RNF130: variants seen among roughly 807,000 people sequenced by gnomAD.
The protein encoded by RNF130 is ring finger protein 130, also known as E3 ubiquitin-protein ligase RNF130.
In RNF130, 21 loss-of-function variants were observed where a neutral mutation model predicts 44.6. That is an observed-to-expected ratio of 0.47 (90% confidence interval 0.33 to 0.68). RNF130 has a LOEUF of 0.68. Among genes scored for constraint, RNF130 ranks in the 30% least tolerant of loss-of-function variants. The probability of loss-of-function intolerance (pLI) is 0.02; values close to 1 mark genes in which losing one functional copy is unlikely to be tolerated. For missense variants in RNF130, 479 were observed against 560.6 expected (o/e 0.85, Z 1.47); for synonymous variants, 214 against 210.4 (o/e 1.02, Z -0.15).
rs1435882982 is a variant in RNF130 at position 179,963,510 on chromosome 5, T to C, written c.1205A>G (p.Tyr402Cys). ...FGLLSALTLCYMIIRATASLN... is the reference protein window; with the variant it reads ...FGLLSALTLCCMIIRATASLN... ...GCTAGCTGTGGCTCTGATGATCATG[T>C]AGCAGAGTGTGAGGGCACTGAGGAG... The change falls in exon 8 of 9, where the codon TAC becomes TGC. Residue 402 changes from tyrosine to cysteine, a missense_variant. Physicochemically the swap from Tyr to Cys is radical, Grantham distance 194. This residue lies in a region of RNF130 where 161 missense variants were observed against 158.6 expected (regional missense o/e 1.02). Transcript: ENST00000521389. 1 of 1,614,108 alleles carries C rather than the reference T, an allele frequency of 6.2e-7. No individual in the cohort carries two copies. Among genetic ancestry groups the C allele is most frequent in the Non-Finnish European group, 8.5e-7 (1 of 1,179,936 alleles).
downstream of RNF130, among the ~76,000 whole-genome samples, chr5:179,954,439 G>A (rs1397297828): frequency 6.6e-6 from 1 of 152,098 alleles, no homozygotes; most frequent in Non-Finnish European, 1.5e-5. Flanking sequence ...TATGAACCGT[G>A]AACACATGCT....
downstream of RNF130, among the ~76,000 whole-genome samples, chr5:179,951,758 C>T (rs534659697): frequency 6.6e-6 from 1 of 152,132 alleles, no homozygotes; most frequent in East Asian, 1.9e-4. Context: ...TGGAAATCTA[C>T]AACAGAAGGA....
At chr5:180,048,766 C>T (rs917196544) in intron 1 of RNF130, among the ~76,000 whole-genome samples, 1 of 152,224 alleles carries the variant, frequency 6.6e-6, no homozygotes, top group African/African-American at 2.4e-5. Context: ...TCTGTAGCTT[C>T]AGCTTCATCC....
intron 6 of RNF130, among the ~76,000 whole-genome samples, chr5:179,968,997 G>A (rs958527102): frequency 6.6e-6 from 1 of 152,224 alleles, no homozygotes; most frequent in Non-Finnish European, 1.5e-5. Context: ...CTGCCCAACT[G>A]TATACACTGA....
At chr5:179,932,067 T>C (rs564655976) in intron 7 of RNF130, among the ~76,000 whole-genome samples, 1 of 152,296 alleles carries the variant, frequency 6.6e-6, no homozygotes, top group East Asian at 1.9e-4. Flanking sequence ...TTTGTTTCCT[T>C]TTCTTTGTTT....
chr5:179,980,469 T>G, intron 3 of RNF130: 1 of 394,618 alleles, frequency 2.5e-6, no homozygotes, highest in African/African-American at 2.0e-5. Flanking sequence ...AAAAGTTAGG[T>G]GTCATAATTG....
chr5:179,962,905 C>T (rs1461864850), intron 8 of RNF130, among the ~76,000 whole-genome samples: 1 of 152,168 alleles, frequency 6.6e-6, no homozygotes, highest in Admixed American at 6.5e-5. Context: ...ATGGAGCCTG[C>T]TCTTTGGTCG....
chr5:180,061,589 G>A (rs192038556), intron 1 of RNF130, among the ~76,000 whole-genome samples: 257 of 152,238 alleles, frequency 1.7e-3, no homozygotes, highest in African/African-American at 6.0e-3. Context: ...CTTTGCACCC[G>A]CCGGTTTGTG....
At chr5:180,006,781 C>T (rs1763471134) in intron 3 of RNF130, among the ~76,000 whole-genome samples, 1 of 152,170 alleles carries the variant, frequency 6.6e-6, no homozygotes, top group African/African-American at 2.4e-5. Flanking sequence ...AATCCTTAAG[C>T]ATTTATTCAA....
chr5:179,950,505 C>CA (rs2113689001), downstream of RNF130, among the ~76,000 whole-genome samples: 1 of 152,270 alleles, frequency 6.6e-6, no homozygotes, highest in African/African-American at 2.4e-5. Flanking sequence ...CATGTGCACA[C>CA]AAAATATACC....
chr5:180,015,314 G>C (rs779096568), intron 2 of RNF130: 2 of 531,690 alleles, frequency 3.8e-6, no homozygotes, highest in South Asian at 2.8e-5. Flanking sequence ...AAGATACCAG[G>C]TATGGCTATA....
chr5:179,974,210 T>C (rs1373539710), intron 5 of RNF130, among the ~76,000 whole-genome samples: 1 of 152,202 alleles, frequency 6.6e-6, no homozygotes, highest in Non-Finnish European at 1.5e-5. Flanking sequence ...TCGGCTGCAG[T>C]GGAGCCTCAG....
chr5:179,968,016 C>A (rs181477804), intron 6 of RNF130, among the ~76,000 whole-genome samples: 17 of 152,346 alleles, frequency 1.1e-4, no homozygotes, highest in Non-Finnish European at 2.5e-4. Context: ...AACAAACAGG[C>A]TGGGCGCGGT....
At position 180,004,914 on chromosome 5, in the gene RNF130, TCAC is replaced by T. The variant is rs955666871; in HGVS notation, c.693+8144_693+8146del. ...GTAGTCTGCACCCTCCTTCATTCAT[TCAC>T]CACCATTTTTTCCCATTTTTTTTTC... is the stretch of plus-strand genomic sequence containing the variant. On this transcript the variant is annotated intron_variant, in intron 3 of 8. Coordinates refer to ENST00000521389, the MANE Select transcript of RNF130 (RefSeq NM_018434.6). 1.7e-4 allele frequency among the ~76,000 whole-genome samples: 26 copies of T among 152,344 alleles called. 1 individual carries two copies. Among genetic ancestry groups the T allele is most frequent in the African/African-American group, 6.3e-4 (26 of 41,586 alleles).
intron 3 of RNF130, among the ~76,000 whole-genome samples, chr5:180,007,481 T>C (rs770322977): frequency 2.6e-5 from 4 of 152,228 alleles, no homozygotes; most frequent in African/African-American, 7.2e-5. Context: ...GCTAATATTA[T>C]GGCTTCTCTT....
intron 1 of RNF130, 83 bp from the exon 2 acceptor site, chr5:180,040,730 CCA>C: frequency 1.6e-6 from 2 of 1,285,892 alleles, no homozygotes; most frequent in Non-Finnish European, 2.1e-6. Flanking sequence ...TTTCTGAATA[CCA>C]CACAGAGCTA....
exon 8 of RNF130, chr5:179,918,088 AGT>A (rs1761577388): frequency 6.6e-6 from 1 of 152,242 alleles, no homozygotes; most frequent in South Asian, 2.1e-4. Context: ...ATGAGAAGTT[AGT>A]GTCCCTCCTG....
intron 3 of RNF130, among the ~76,000 whole-genome samples, chr5:179,982,108 C>G (rs193718): frequency 3.2e-4 from 48 of 151,828 alleles, no homozygotes; most frequent in African/African-American, 1.1e-3. Flanking sequence ...CTGTAACAGT[C>G]TGCAACATCA....
At chr5:179,999,873 GACTT>G (rs1213805026) in intron 3 of RNF130, among the ~76,000 whole-genome samples, 1 of 152,140 alleles carries the variant, frequency 6.6e-6, no homozygotes, top group South Asian at 2.1e-4. Flanking sequence ...GGTAGGTGAG[GACTT>G]ATTCCTATCA....
Sources: gnomAD v4.1 joint callset for allele counts (sites outside exome capture counted in the v4.1 genomes callset) on GRCh38, gnomAD v4.1.1 for gene constraint, gnomAD v4.1.1 regional missense constraint, MANE v1.5 for transcripts, NCBI Gene and HGNC (gene_info 2026-07-23, HGNC 2026-07-21) for gene names.